Variants in PDE1C observed in about 807,000 individuals in gnomAD.
PDE1C encodes the protein dual specificity calcium/calmodulin-dependent 3',5'-cyclic nucleotide phosphodiesterase 1C.
Under a neutral mutation model 93.1 loss-of-function variants are expected in PDE1C, and 62 were observed. The observed-to-expected ratio is 0.67, with a 90% CI of 0.54 to 0.82. The LOEUF (loss-of-function observed/expected upper bound fraction) is 0.82, where lower values mean the gene tolerates loss of function less well. Among genes scored for constraint, PDE1C ranks in the 40% least tolerant of loss-of-function variants. PDE1C has a pLI of 0.00. For synonymous variants in PDE1C, 325 were observed against 310.1 expected, an observed-to-expected ratio of 1.05 and a Z score of -0.50; for missense variants, 742 against 884.6, an observed-to-expected ratio of 0.84 and a Z score of 2.04.
intron 1 of PDE1C, among the ~76,000 whole-genome samples, chr7:32,269,417 A>G (rs1810815264): frequency 6.6e-6 from 1 of 152,026 alleles, no homozygotes; most frequent in African/African-American, 2.4e-5. Flanking sequence ...ATATATGCAT[A>G]TGGCAGGGAG....
At chr7:32,029,602 A>C (rs548668616) in intron 2 of PDE1C, among the ~76,000 whole-genome samples, 38 of 152,218 alleles carry the variant, frequency 2.5e-4, no homozygotes, top group Admixed American at 9.8e-4. Context: ...GGCAGAGAGG[A>C]AAGAAAGAAG....
chr7:31,695,559 C>T, the PDE1C span: 1 of 1,613,762 alleles, frequency 6.2e-7, no homozygotes, highest in South Asian at 1.1e-5. Flanking sequence ...AATGTTGAGT[C>T]AGACCAAAAA....
chr7:32,294,950 AATGTGAC>A (rs1267840763), intron 1 of PDE1C, among the ~76,000 whole-genome samples: 1 of 152,216 alleles, frequency 6.6e-6, no homozygotes, highest in East Asian at 1.9e-4. Flanking sequence ...AGCACTTCTG[AATGTGAC>A]ATGTGTTCAA....
At chr7:32,205,774 A>G (rs2128835108) in intron 2 of PDE1C, among the ~76,000 whole-genome samples, 1 of 152,272 alleles carries the variant, frequency 6.6e-6, no homozygotes, top group East Asian at 1.9e-4. Context: ...AAGCAACCCC[A>G]AGGAAAACAA....
chr7:32,081,220 T>A (rs1044978262), intron 3 of PDE1C, among the ~76,000 whole-genome samples: 2 of 152,224 alleles, frequency 1.3e-5, no homozygotes, highest in Admixed American at 6.5e-5. Flanking sequence ...GGAATTTTAA[T>A]GAAAGCATTG....
In PDE1C at chr7:32,184,016, A is replaced by G. The variant is rs545591651; in HGVS notation, c.137-14060T>C. Among the ~76,000 whole-genome samples the G allele has an allele frequency of 2.8e-3, 425 of 152,368 alleles. 2 individuals are homozygous for G. The highest frequency in any genetic ancestry group is 9.8e-3 in the African/African-American group (406 of 41,576). On this transcript the variant is annotated intron_variant, in intron 2 of 18. Coordinates refer to the PDE1C transcript ENST00000396193. ...ATGAACAGACACTTCTCAATAGAAGACATTTATGCAGCCAAAAGACACATG... is the reference window on the plus strand; with the variant it reads ...ATGAACAGACACTTCTCAATAGAAGGCATTTATGCAGCCAAAAGACACATG...
chr7:31,933,412 A>T (rs1046833387), intron 2 of PDE1C, among the ~76,000 whole-genome samples: 10 of 152,188 alleles, frequency 6.6e-5, no homozygotes, highest in Non-Finnish European at 1.2e-4. Flanking sequence ...TGTCTAATAC[A>T]ATTTTCCAGA....
At chr7:32,149,702 AG>A (rs1193317592) in intron 3 of PDE1C, among the ~76,000 whole-genome samples, 1 of 152,360 alleles carries the variant, frequency 6.6e-6, no homozygotes, top group Non-Finnish European at 1.5e-5. Flanking sequence ...ATGTGATCAA[AG>A]GAGTTAAACG....
the PDE1C span, among the ~76,000 whole-genome samples, chr7:31,685,381 G>C: frequency 2.0e-5 from 3 of 152,194 alleles, no homozygotes; most frequent in Non-Finnish European, 2.9e-5. Context: ...TTGTAGGATA[G>C]TTTCATAAGA....
intron 3 of PDE1C, among the ~76,000 whole-genome samples, chr7:31,880,354 G>A (rs938164966): frequency 5.3e-5 from 8 of 152,118 alleles, no homozygotes; most frequent in Non-Finnish European, 8.8e-5. Flanking sequence ...ATCACTTCAG[G>A]AGCCTCCATT....
chr7:31,936,702 A>G (rs1805131341), intron 2 of PDE1C, among the ~76,000 whole-genome samples: 1 of 152,172 alleles, frequency 6.6e-6, no homozygotes, highest in South Asian at 2.1e-4. Flanking sequence ...GGAATTTTAA[A>G]GGGGTAGAGA....
chr7:32,255,758 T>C (rs1585036808), intron 1 of PDE1C, among the ~76,000 whole-genome samples: 1 of 152,074 alleles, frequency 6.6e-6, no homozygotes, highest in African/African-American at 2.4e-5. Context: ...GGCAGAACAA[T>C]AGGTGGCAAG....
chr7:31,934,354 C>G (rs1013108462), intron 2 of PDE1C, among the ~76,000 whole-genome samples: 1 of 152,128 alleles, frequency 6.6e-6, no homozygotes, highest in Non-Finnish European at 1.5e-5. Flanking sequence ...GGTTCTTAGC[C>G]TTAGTTTATT....
chr7:32,413,624 A>G (rs1785217275), intron 1 of PDE1C, among the ~76,000 whole-genome samples: 1 of 152,176 alleles, frequency 6.6e-6, no homozygotes, highest in Non-Finnish European at 1.5e-5. Context: ...GTTTGCCAAG[A>G]TGAAAAAAAT....
rs760771285 is a variant in PDE1C at position 32,395,179 on chromosome 7, A to T, written c.310+32643T>A. ...ATGCTATGTGCCAAGAACTGTACTCAATGCTAGTAATACAAAGATGGGGAG... is the reference window on the plus strand; with the variant it reads ...ATGCTATGTGCCAAGAACTGTACTCTATGCTAGTAATACAAAGATGGGGAG... On this transcript the variant is annotated intron_variant, in intron 1 of 1. Transcript: ENST00000672256. Among the ~76,000 whole-genome samples, 93 of 152,350 alleles carry T rather than the reference A, an allele frequency of 6.1e-4. 1 individual carries two copies. In the Middle Eastern group the frequency reaches 0.01, roughly 17 times the overall value.
At chr7:31,856,103 T>A (rs1043650080) in intron 7 of PDE1C, among the ~76,000 whole-genome samples, 2 of 152,238 alleles carry the variant, frequency 1.3e-5, no homozygotes, top group African/African-American at 4.8e-5. Context: ...AGTATCACTG[T>A]TGATGTTGAA....
At chr7:31,655,820 G>A in the PDE1C span, 2,392 of 985,492 alleles carry the variant, frequency 2.4e-3, 2 homozygotes, top group Non-Finnish European at 2.8e-3. Context: ...TGTAGACTCC[G>A]AGCTCTCCTG....
chr7:31,858,822 C>G (rs991368594), intron 7 of PDE1C, among the ~76,000 whole-genome samples: 1 of 151,630 alleles, frequency 6.6e-6, no homozygotes, highest in Non-Finnish European at 1.5e-5. Flanking sequence ...ATTTTCTCAG[C>G]AAAATATTAA....
chr7:32,294,635 T>C (rs1020723705), intron 1 of PDE1C, among the ~76,000 whole-genome samples: 3 of 152,222 alleles, frequency 2.0e-5, no homozygotes, highest in Non-Finnish European at 2.9e-5. Context: ...TGTTTGTTTG[T>C]ATTTCAGGCA....
Sources: gnomAD v4.1 joint callset for allele counts (sites outside exome capture counted in the v4.1 genomes callset) on GRCh38, gnomAD v4.1.1 for gene constraint, MANE v1.5 for transcripts, NCBI Gene and HGNC (gene_info 2026-07-23, HGNC 2026-07-21) for gene names.